ZNF227: variants seen among roughly 807,000 people sequenced by gnomAD.
ZNF227 encodes the protein zinc finger protein 227.
In ZNF227, 12 loss-of-function variants were observed where a neutral mutation model predicts 13.2. The ratio of observed to expected loss-of-function variants is 0.91; its 90% CI spans 0.58 to 1.47. The LOEUF is 1.47. Ranked by LOEUF, ZNF227 falls within the 40% of genes most tolerant of loss-of-function variation. The pLI, the probability that ZNF227 is intolerant of heterozygous loss-of-function variation, is 0.00. For synonymous variants in ZNF227, 338 were observed against 326.0 expected, an observed-to-expected ratio of 1.04 and a Z score of -0.40; for missense variants, 885 against 967.5, an observed-to-expected ratio of 0.91 and a Z score of 1.13.
chr19:44,233,852 AC>A (rs1225000945), intron 5 of ZNF227, among the ~76,000 whole-genome samples: 1 of 152,132 alleles, frequency 6.6e-6, no homozygotes, highest in Non-Finnish European at 1.5e-5. Context: ...CTGAAATCAC[AC>A]CACTGCACTC....
At chr19:44,211,757 AGTT>A (rs1971377130), upstream of ZNF227, among the ~76,000 whole-genome samples, 1 of 147,436 alleles carries the variant, frequency 6.8e-6, no homozygotes, top group East Asian at 2.0e-4. Flanking sequence ...TCTAAAGAGT[AGTT>A]TTTCTATTAG....
chr19:44,227,633 C>T (rs377056101), intron 3 of ZNF227, among the ~76,000 whole-genome samples: 66 of 152,282 alleles, frequency 4.3e-4, no homozygotes, highest in African/African-American at 1.3e-3. Flanking sequence ...CTCACTGCAC[C>T]GTCAAACTCC....
chr19:44,214,459 A>G (rs1252576364), intron 2 of ZNF227, among the ~76,000 whole-genome samples: 1 of 151,260 alleles, frequency 6.6e-6, no homozygotes, highest in East Asian at 1.9e-4. Flanking sequence ...GCTCACTGCA[A>G]CCTCCACCTC....
chr19:44,235,396 G>A lies in ZNF227; in HGVS notation c.966G>A (p.Lys322=), dbSNP rs1974340110. ...HSYQSNHTGE[K]SYRCDSCGKG... ...ATCAATCTAATCATACAGGAGAGAA[G>A]TCTTATAGATGCGACAGTTGCGGCA... Residue 322 remains lysine (K), a synonymous_variant, in exon 6 of 6, where the codon AAG becomes AAA. Coordinates refer to ENST00000313040, the MANE Select transcript of ZNF227 (RefSeq NM_182490.3). 1 of 1,614,060 alleles carries A rather than the reference G, an allele frequency of 6.2e-7. No homozygotes were observed. The highest frequency in any genetic ancestry group is 8.5e-7 in the Non-Finnish European group (1 of 1,180,048).
At chr19:44,221,927 A>G (rs1972563751) in intron 3 of ZNF227, among the ~76,000 whole-genome samples, 2 of 152,146 alleles carry the variant, frequency 1.3e-5, no homozygotes, top group South Asian at 4.1e-4. Context: ...TCCATCTTGA[A>G]TTAATTTTTG....
intron 5 of ZNF227, among the ~76,000 whole-genome samples, chr19:44,230,926 A>AAAATAAATAT (rs1555792168): frequency 1.5e-5 from 1 of 68,134 alleles, no homozygotes; most frequent in African/African-American, 9.8e-5. Context: ...AAAAAAAAAA[A>AAAATAAATAT]ATATATATAT....
At chr19:44,229,338 A>G (rs941515573) in intron 4 of ZNF227, among the ~76,000 whole-genome samples, 1 of 152,204 alleles carries the variant, frequency 6.6e-6, no homozygotes, top group African/African-American at 2.4e-5. Flanking sequence ...GAGGCCGGGC[A>G]TGGTGGCTTA....
upstream of ZNF227, among the ~76,000 whole-genome samples, chr19:44,209,745 C>T (rs1001861629): frequency 2.0e-5 from 3 of 152,138 alleles, no homozygotes; most frequent in Admixed American, 6.5e-5. Context: ...CATCACCACA[C>T]CCGGCTAATT....
In ZNF227 at chr19:44,235,028, A is replaced by C. The variant is rs776623597; in HGVS notation, c.598A>C (p.Asn200His). 6.2e-7 allele frequency: 1 copy of C among 1,614,194 alleles called. No individual in the cohort carries two copies. Among genetic ancestry groups the C allele is most frequent in the Non-Finnish European group, 8.5e-7 (1 of 1,180,042 alleles). Residue 200 changes from asparagine (N) to histidine (H), a missense_variant, in exon 6 of 6, where the codon AAC (asparagine) becomes CAC (histidine). Coordinates refer to ENST00000313040, the MANE Select transcript of ZNF227 (RefSeq NM_182490.3). Reference protein sequence around the residue: ...SRGKQIDVKNNLQIHEDFMKK... With the variant: ...SRGKQIDVKNHLQIHEDFMKK... ...AGGTAAGCAAATTGATGTGAAAAAT[A>C]ACCTGCAAATACATGAAGACTTCAT...
At chr19:44,227,930 G>A (rs570569167) in intron 3 of ZNF227, among the ~76,000 whole-genome samples, 4 of 152,106 alleles carry the variant, frequency 2.6e-5, no homozygotes, top group East Asian at 1.9e-4. Flanking sequence ...CTTTGCAAAC[G>A]TTAAAAACAA....
intron 2 of ZNF227, among the ~76,000 whole-genome samples, chr19:44,214,689 A>G (rs1971668202): frequency 6.6e-6 from 1 of 152,098 alleles, no homozygotes; most frequent in Non-Finnish European, 1.5e-5. Context: ...AAAAATTTCA[A>G]GCATATTCAA....
At chr19:44,230,094 C>T (rs947449280) in intron 5 of ZNF227, among the ~76,000 whole-genome samples, 1 of 152,116 alleles carries the variant, frequency 6.6e-6, no homozygotes, top group African/African-American at 2.4e-5. Context: ...TAGCTCACTG[C>T]AGCCTCAACC....
rs1974502654 is a variant in ZNF227 at position 44,236,361 on chromosome 19, C to T, written c.1931C>T (p.Ser644Phe). Residue 644 changes from serine to phenylalanine, a missense_variant, in exon 6 of 6, where the codon TCC (serine) becomes TTC (phenylalanine). Transcript: ENST00000313040. ...GTCTGTGGTAAGGGCTTCAGTCAGT[C>T]CTCTGGTCTTCAATCCCATCAGAGA... ...CGVCGKGFSQSSGLQSHQRVH... is the reference protein window; with the variant it reads ...CGVCGKGFSQFSGLQSHQRVH... The T allele has an allele frequency of 1.2e-6, 2 of 1,613,946 alleles. No individual in the cohort carries two copies. The highest frequency in any genetic ancestry group is 1.7e-6 in the Non-Finnish European group (2 of 1,179,990).
At chr19:44,225,587 G>A (rs1973039597) in intron 3 of ZNF227, among the ~76,000 whole-genome samples, 1 of 152,040 alleles carries the variant, frequency 6.6e-6, no homozygotes, top group Admixed American at 6.6e-5. Flanking sequence ...CATTCTTCAT[G>A]TAGTTCTCGA....
At chr19:44,215,110 C>T (rs1394037495) in intron 2 of ZNF227, among the ~76,000 whole-genome samples, 2 of 152,010 alleles carry the variant, frequency 1.3e-5, no homozygotes, top group South Asian at 2.1e-4. Context: ...TGAAACTGGT[C>T]CCTGGTGCCA....
chr19:44,216,744 A>G (rs1307013004), intron 2 of ZNF227, among the ~76,000 whole-genome samples: 5 of 152,144 alleles, frequency 3.3e-5, no homozygotes, highest in Admixed American at 2.0e-4. Flanking sequence ...AAAGAGATGT[A>G]CCAATGATCG....
Position 44,237,136 on chromosome 19 carries a change from G to T in ZNF227, c.*306G>T. 4.2e-6 allele frequency: 1 copy of T among 238,596 alleles called. No homozygotes were observed. Among genetic ancestry groups the T allele is most frequent in the Non-Finnish European group, 8.0e-6 (1 of 124,812 alleles). 14.8% of individuals were successfully genotyped at this position (238,596 alleles called of 1,614,324 possible). A position where few individuals can be genotyped will look rare whatever the true frequency, so the allele number is the denominator to read the frequency against. ...AAGGATATTTGCCATATGCTAACTG[G>T]TTTTTTGGCCAGGGAGAGTTTTGGG... On this transcript the variant is annotated 3_prime_UTR_variant, in exon 6 of 6. Coordinates refer to ENST00000313040, the MANE Select transcript of ZNF227 (RefSeq NM_182490.3).
intron 3 of ZNF227, chr19:44,227,134 C>T (rs188119933): frequency 1.2e-4 from 18 of 152,266 alleles, no homozygotes; most frequent in African/African-American, 4.1e-4. Context: ...TAAAGATATG[C>T]GTTGTTCGAG....
chr19:44,219,232 C>T (rs923803946), intron 3 of ZNF227, among the ~76,000 whole-genome samples: 1 of 151,698 alleles, frequency 6.6e-6, no homozygotes, highest in African/African-American at 2.4e-5. Flanking sequence ...GCCCCTCATC[C>T]AGTTTCCATC....
Sources: gnomAD v4.1 joint callset for allele counts (sites outside exome capture counted in the v4.1 genomes callset) on GRCh38, gnomAD v4.1.1 for gene constraint, MANE v1.5 for transcripts, NCBI Gene and HGNC (gene_info 2026-07-23, HGNC 2026-07-21) for gene names.